ABLIM1: variants seen among roughly 807,000 people sequenced by gnomAD.
The protein encoded by ABLIM1 is actin binding LIM protein 1.
Under a neutral mutation model 107.0 loss-of-function variants are expected in ABLIM1, and 40 were observed. That is an observed-to-expected ratio of 0.37 (90% CI 0.29 to 0.49). The LOEUF is 0.49. Ranked by LOEUF, ABLIM1 falls within the 20% of genes least tolerant of loss-of-function variation. The pLI is 0.97. For missense variants in ABLIM1, 857 were observed against 1,008.5 expected, an observed-to-expected ratio of 0.85 and a Z score of 2.04; for synonymous variants, 357 against 357.3, an observed-to-expected ratio of 1.00 and a Z score of 0.01.
chr10:114,491,012 G>GTGTGTGTATATATA lies in ABLIM1; in HGVS notation c.982+778_982+779insTATATATACACACA. 2.5e-3 allele frequency among the ~76,000 whole-genome samples: 231 copies of GTGTGTGTATATATA among 92,344 alleles called. 1 individual carries two copies. Among genetic ancestry groups the GTGTGTGTATATATA allele is most frequent in the African/African-American group, 6.2e-3 (135 of 21,682 alleles). The allele number at this position is 92,344 out of a possible 152,430, so 60.6% of individuals were successfully genotyped here. A position where few individuals can be genotyped will look rare whatever the true frequency, so the allele number is the denominator to read the frequency against. ...TGTGTGTGTGTGTGTGTGTGTGTGT[G>GTGTGTGTATATATA]TATATATATATATGGTCTATTTTAT... On this transcript the variant is annotated intron_variant, in intron 7 of 22. Transcript: ENST00000533213.
chr10:114,578,320 T>G (rs148207387), intron 2 of ABLIM1, among the ~76,000 whole-genome samples: 174 of 152,248 alleles, frequency 1.1e-3, no homozygotes, highest in Non-Finnish European at 1.7e-3. Context: ...CCATAAAACC[T>G]TCTGCTGTTC....
chr10:114,689,156 G>T (rs967201683), upstream of ABLIM1, among the ~76,000 whole-genome samples: 1 of 152,044 alleles, frequency 6.6e-6, no homozygotes, highest in Non-Finnish European at 1.5e-5. Context: ...ATCAAGTTCA[G>T]GCAGAAATTG....
chr10:114,693,210 C>T (rs1288538481), intron 1 of ABLIM1, among the ~76,000 whole-genome samples: 1 of 152,142 alleles, frequency 6.6e-6, no homozygotes, highest in African/African-American at 2.4e-5. Context: ...GTTCTGGGTC[C>T]GACTTCCACC....
chr10:114,463,573 G>GTTTT (rs11380542), intron 12 of ABLIM1, among the ~76,000 whole-genome samples: 1 of 150,426 alleles, frequency 6.6e-6, no homozygotes, highest in African/African-American at 2.4e-5. Flanking sequence ...TAAGGGTCAG[G>GTTTT]TTTTTTTTTT....
intron 1 of ABLIM1, among the ~76,000 whole-genome samples, chr10:114,691,842 T>C (rs2081085984): frequency 6.6e-6 from 1 of 152,114 alleles, no homozygotes; most frequent in Non-Finnish European, 1.5e-5. Flanking sequence ...CCCCAGAGAA[T>C]GAAAGAGGAT....
At chr10:114,754,591 T>G (rs1299007447) in intron 1 of ABLIM1, among the ~76,000 whole-genome samples, 1 of 152,150 alleles carries the variant, frequency 6.6e-6, no homozygotes, top group Non-Finnish European at 1.5e-5. Context: ...TTATTAGCAA[T>G]GAATCAGGGG....
intron 1 of ABLIM1, among the ~76,000 whole-genome samples, chr10:114,655,114 T>A (rs1412589957): frequency 6.6e-6 from 1 of 152,150 alleles, no homozygotes; most frequent in African/African-American, 2.4e-5. Flanking sequence ...CTGCCTACCT[T>A]AGGGACAGAG....
the ABLIM1 span, among the ~76,000 whole-genome samples, chr10:114,787,133 G>A: frequency 1.7e-4 from 25 of 150,212 alleles, no homozygotes; most frequent in African/African-American, 4.4e-4. Flanking sequence ...TGTGGGGAGC[G>A]CCTCTGCCCT....
At chr10:114,684,640 ACAT>A in exon 1 of ABLIM1, 1 of 1,189,484 alleles carries the variant, frequency 8.4e-7, no homozygotes. Context: ...TTGCAAAAGC[ACAT>A]CAGCTCAATG....
rs185311775 is a variant in ABLIM1 at position 114,533,064 on chromosome 10, G to T, written c.894+11941C>A. Among the ~76,000 whole-genome samples the T allele has an allele frequency of 1.6e-3, 240 of 152,324 alleles. No individual in the cohort carries two copies. The Middle Eastern group carries it at 0.02, about 13-fold the overall frequency. On this transcript the variant is annotated intron_variant, in intron 6 of 22. Transcript: ENST00000533213. Reference sequence around the variant, plus strand: ...TTTAAAAAATTTTTAAACTGGCCAGGTGCAGTGGCTCACGCCTGTTATCCC... The same window carrying T: ...TTTAAAAAATTTTTAAACTGGCCAGTTGCAGTGGCTCACGCCTGTTATCCC...
At chr10:114,537,479 T>C (rs1470104458) in intron 6 of ABLIM1, among the ~76,000 whole-genome samples, 1 of 152,208 alleles carries the variant, frequency 6.6e-6, no homozygotes, top group African/African-American at 2.4e-5. Flanking sequence ...TCTAACTGCA[T>C]GTTTGTATCC....
At chr10:114,626,209 G>A (rs1365242006) in intron 1 of ABLIM1, among the ~76,000 whole-genome samples, 1 of 152,144 alleles carries the variant, frequency 6.6e-6, no homozygotes, top group Non-Finnish European at 1.5e-5. Context: ...CTCAGGAGCT[G>A]CCAAGAACAA....
Position 114,547,763 on chromosome 10 carries a change from G to T in ABLIM1, c.687C>A (p.Cys229Ter). Residue 229 changes from cysteine (C) to a stop codon, truncating the protein, a stop_gained, in exon 5 of 23, where the codon TGC becomes TGA. Transcript: ENST00000533213. LOFTEE classifies it high-confidence loss of function. ...CCTGCCCATTCTTGATATCTCTTCC[G>T]CAGCCGGCACAATCTGAAAAAGAGC... ...ETTFSSNCAG[C>*]GRDIKNGQAL... The T allele has an allele frequency of 6.2e-7, 1 of 1,609,652 alleles. No homozygotes were observed. Among genetic ancestry groups the T allele is most frequent in the Non-Finnish European group, 8.5e-7 (1 of 1,179,982 alleles).
intron 12 of ABLIM1, among the ~76,000 whole-genome samples, chr10:114,457,898 C>G (rs2063130274): frequency 6.6e-6 from 1 of 152,054 alleles, no homozygotes. Context: ...ATGGTGAAAC[C>G]CTGTCTCTTC....
At chr10:114,566,299 G>A (rs555529611) in intron 4 of ABLIM1, among the ~76,000 whole-genome samples, 2 of 152,250 alleles carry the variant, frequency 1.3e-5, no homozygotes, top group East Asian at 3.9e-4. Context: ...CATGGAAAGG[G>A]TGACTGTAGA....
chr10:114,747,564 G>A (rs1190803187), intron 1 of ABLIM1, among the ~76,000 whole-genome samples: 1 of 152,160 alleles, frequency 6.6e-6, no homozygotes, highest in Non-Finnish European at 1.5e-5. Context: ...GAGTCACATG[G>A]TCAAGGCCAA....
chr10:114,682,768 A>G (rs945454520), intron 1 of ABLIM1, among the ~76,000 whole-genome samples: 4 of 152,190 alleles, frequency 2.6e-5, no homozygotes, highest in Non-Finnish European at 4.4e-5. Context: ...GTTAAAAAAC[A>G]AGGAAGAGAA....
At chr10:114,668,665 G>A (rs1005921797) in intron 1 of ABLIM1, among the ~76,000 whole-genome samples, 5 of 152,130 alleles carry the variant, frequency 3.3e-5, no homozygotes, top group Admixed American at 2.6e-4. Context: ...GTAAGGGGAG[G>A]CATCAAAAAG....
At chr10:114,452,876 C>T (rs566499522) in intron 13 of ABLIM1, among the ~76,000 whole-genome samples, 9 of 152,276 alleles carry the variant, frequency 5.9e-5, no homozygotes, top group African/African-American at 1.9e-4. Context: ...GTCTGTTATG[C>T]GCTGCAGAAA....
Sources: gnomAD v4.1 joint callset for allele counts (sites outside exome capture counted in the v4.1 genomes callset) on GRCh38, gnomAD v4.1.1 for gene constraint, MANE v1.5 for transcripts, NCBI Gene and HGNC (gene_info 2026-07-23, HGNC 2026-07-21) for gene names.